Variants in ELMO1 observed in about 807,000 individuals in gnomAD.
The protein encoded by ELMO1 is engulfment and cell motility 1.
In ELMO1, 26 loss-of-function variants were observed where a neutral mutation model predicts 98.9. The ratio of observed to expected loss-of-function variants is 0.26; its 90% CI spans 0.19 to 0.36. The LOEUF is 0.36. ELMO1 is among the 10% of genes least tolerant of loss of function. ELMO1 has a pLI of 1.00. For missense variants in ELMO1, 627 were observed against 935.2 expected (o/e 0.67, Z 4.30); for synonymous variants, 346 against 346.0 (o/e 1.00, Z 0.00).
intron 15 of ELMO1, among the ~76,000 whole-genome samples, chr7:37,075,005 G>A (rs941037203): frequency 6.6e-6 from 1 of 152,132 alleles, no homozygotes; most frequent in Non-Finnish European, 1.5e-5. Flanking sequence ...GCTTTCTCAT[G>A]CCGCACTTAT....
In ELMO1 at chr7:36,854,594, A is replaced by G. The variant is rs888689231; in HGVS notation, c.*957T>C. ...CTTGCAAATTGTAAATACCAGTAATAATTACAATGATGTAAACTTGGATGT... is the reference window on the plus strand; with the variant it reads ...CTTGCAAATTGTAAATACCAGTAATGATTACAATGATGTAAACTTGGATGT... On this transcript the variant is annotated 3_prime_UTR_variant, in exon 22 of 22. Coordinates refer to ENST00000310758, the MANE Select transcript of ELMO1 (RefSeq NM_014800.11). The G allele has an allele frequency of 6.6e-6, 1 of 152,562 alleles. No individual in the cohort carries two copies. Among genetic ancestry groups the G allele is most frequent in the African/African-American group, 2.4e-5 (1 of 41,416 alleles). The allele number at this position is 152,562 out of a possible 1,614,324, so 9.5% of individuals were successfully genotyped here.
At position 37,259,232 on chromosome 7, in the gene ELMO1, A is replaced by G. The variant is rs772054667; in HGVS notation, c.362T>C (p.Ile121Thr). 1.1e-5 allele frequency: 18 copies of G among 1,614,040 alleles called. No individual in the cohort carries two copies. The highest frequency in any genetic ancestry group is 1.4e-5 in the Non-Finnish European group (17 of 1,180,024). The change falls in exon 6 of 22, where the codon ATA becomes ACA. Residue 121 changes from isoleucine to threonine, a missense_variant. This residue lies in a region of ELMO1 where 123 missense variants were observed against 171.2 expected (regional missense o/e 0.72). Coordinates refer to ENST00000310758, the MANE Select transcript of ELMO1 (RefSeq NM_014800.11). ...SRDVTFAQEF[I>T]NLDGISLLTQ... Reference sequence around the variant, plus strand: ...GAGGAGAGAGATACCGTCCAGGTTTATAAACTCCTGGGCAAACGTGACATC... The same window carrying G: ...GAGGAGAGAGATACCGTCCAGGTTTGTAAACTCCTGGGCAAACGTGACATC...
At chr7:37,023,961 T>C (rs1794425451) in intron 15 of ELMO1, among the ~76,000 whole-genome samples, 1 of 152,196 alleles carries the variant, frequency 6.6e-6, no homozygotes, top group East Asian at 1.9e-4. Flanking sequence ...TGTAATAGAC[T>C]TGACTAGTTG....
intron 1 of ELMO1, among the ~76,000 whole-genome samples, chr7:37,351,904 C>T (rs1435907049): frequency 6.6e-6 from 1 of 152,212 alleles, no homozygotes; most frequent in African/African-American, 2.4e-5. Context: ...CACCTAGGGC[C>T]TGCCTTTCCT....
intron 1 of ELMO1, among the ~76,000 whole-genome samples, chr7:37,445,906 C>T (rs1053871726): frequency 9.2e-5 from 14 of 152,114 alleles, no homozygotes; most frequent in Non-Finnish European, 1.5e-4. Flanking sequence ...AGACCTTCTC[C>T]AAGGAGAGTG....
intron 16 of ELMO1, among the ~76,000 whole-genome samples, chr7:36,964,436 A>G (rs930126652): frequency 6.6e-6 from 1 of 152,236 alleles, no homozygotes; most frequent in African/African-American, 2.4e-5. Flanking sequence ...AGTAAAAACC[A>G]GAATGGTTGT....
At chr7:37,311,254 C>T (rs937696801) in intron 4 of ELMO1, among the ~76,000 whole-genome samples, 22 of 151,814 alleles carry the variant, frequency 1.4e-4, no homozygotes, top group African/African-American at 5.3e-4. Context: ...AAGTGCCTTC[C>T]GGAGGATCTT....
chr7:37,312,128 T>C (rs1210792280), intron 4 of ELMO1, among the ~76,000 whole-genome samples: 1 of 152,270 alleles, frequency 6.6e-6, no homozygotes, highest in African/African-American at 2.4e-5. Context: ...AGGCTTGCTC[T>C]GTCACTTAGG....
chr7:37,271,933 A>G (rs1043468532), intron 4 of ELMO1, 51 bp from the exon 5 acceptor site: 2 of 1,542,038 alleles, frequency 1.3e-6, no homozygotes, highest in Admixed American at 1.7e-5. Context: ...AGCTTGGTAA[A>G]GAAGAGAACA....
chr7:37,297,184 C>T (rs968452181), intron 4 of ELMO1, among the ~76,000 whole-genome samples: 3 of 152,148 alleles, frequency 2.0e-5, no homozygotes, highest in African/African-American at 7.2e-5. Context: ...TCACTGTGCT[C>T]CTATCCATTA....
intron 16 of ELMO1, among the ~76,000 whole-genome samples, chr7:36,896,648 G>T (rs1414847298): frequency 6.7e-6 from 1 of 149,558 alleles, no homozygotes. Context: ...ATTTCCAGTT[G>T]ATCTTTCACC....
chr7:37,167,506 C>T (rs1423384673), intron 13 of ELMO1, among the ~76,000 whole-genome samples: 6 of 150,454 alleles, frequency 4.0e-5, no homozygotes, highest in Non-Finnish European at 8.9e-5. Flanking sequence ...TTAGTGCTTC[C>T]TTCAGGAGCT....
intron 16 of ELMO1, among the ~76,000 whole-genome samples, chr7:36,897,336 G>GTGTGTGTGTGTGTGTGTCTA (rs1554351183): frequency 6.7e-6 from 1 of 148,212 alleles, no homozygotes; most frequent in Non-Finnish European, 1.5e-5. Context: ...GTGTGTGTGT[G>GTGTGTGTGTGTGTGTGTCTA]TGTGTGTGTG....
chr7:37,414,852 T>C (rs1368590546), intron 1 of ELMO1, among the ~76,000 whole-genome samples: 2 of 152,090 alleles, frequency 1.3e-5, no homozygotes, highest in Non-Finnish European at 2.9e-5. Flanking sequence ...CAAGAGCAAA[T>C]AAAGAAGTAA....
intron 14 of ELMO1, among the ~76,000 whole-genome samples, chr7:37,126,589 T>G (rs1465259851): frequency 6.6e-6 from 1 of 152,116 alleles, no homozygotes; most frequent in Non-Finnish European, 1.5e-5. Flanking sequence ...TCAAGCAACG[T>G]TTTTATAACT....
chr7:37,177,063 A>G (rs762139074), intron 13 of ELMO1, among the ~76,000 whole-genome samples: 58 of 152,232 alleles, frequency 3.8e-4, no homozygotes, highest in Admixed American at 3.3e-4. Flanking sequence ...GGTGGGAAGA[A>G]GAGTTTCCAG....
At chr7:37,189,439 C>T (rs1791441355) in intron 13 of ELMO1, among the ~76,000 whole-genome samples, 1 of 152,040 alleles carries the variant, frequency 6.6e-6, no homozygotes, top group Admixed American at 6.5e-5. Context: ...AACTCTGAAG[C>T]TAATGAAAAA....
chr7:37,013,799 C>T (rs1222417038), intron 15 of ELMO1, among the ~76,000 whole-genome samples: 2 of 152,186 alleles, frequency 1.3e-5, no homozygotes, highest in Non-Finnish European at 2.9e-5. Context: ...AGGCACAGCT[C>T]CTCCGTCACC....
At chr7:37,088,005 C>T (rs1424793048) in intron 15 of ELMO1, among the ~76,000 whole-genome samples, 3 of 152,068 alleles carry the variant, frequency 2.0e-5, no homozygotes, top group Non-Finnish European at 2.9e-5. Flanking sequence ...TTCTATAAGG[C>T]GTTAAGAAGA....
Sources: gnomAD v4.1 joint callset for allele counts (sites outside exome capture counted in the v4.1 genomes callset) on GRCh38, gnomAD v4.1.1 for gene constraint, gnomAD v4.1.1 regional missense constraint, MANE v1.5 for transcripts, NCBI Gene and HGNC (gene_info 2026-07-23, HGNC 2026-07-21) for gene names.